Variants in SCN3A observed in about 807,000 individuals in gnomAD.
The protein encoded by SCN3A is sodium channel protein type 3 subunit alpha.
A neutral mutation model predicts 187.6 loss-of-function variants in SCN3A; 60 were observed. The observed-to-expected ratio is 0.32, with a 90% CI of 0.26 to 0.40. The LOEUF is 0.40. Ranked by LOEUF, SCN3A falls within the 10% of genes least tolerant of loss-of-function variation. The pLI is 1.00. For synonymous variants in SCN3A, 788 were observed against 829.2 expected, an observed-to-expected ratio of 0.95 and a Z score of 0.85; for missense variants, 1,601 against 2,428.2, an observed-to-expected ratio of 0.66 and a Z score of 7.16.
At chr2:165,200,075 T>C (rs1413964776) in intron 1 of SCN3A, among the ~76,000 whole-genome samples, 1 of 152,146 alleles carries the variant, frequency 6.6e-6, no homozygotes, top group Non-Finnish European at 1.5e-5. Context: ...TCAGGTTCTA[T>C]ATGGATTTGC....
intron 5 of SCN3A, among the ~76,000 whole-genome samples, chr2:165,167,072 T>C (rs929499156): frequency 9.9e-5 from 15 of 152,268 alleles, no homozygotes; most frequent in African/African-American, 3.1e-4. Context: ...GCTCATTGTT[T>C]GTATTTTTAG....
chr2:165,180,581 G>C (rs1354931931), intron 2 of SCN3A, among the ~76,000 whole-genome samples: 1 of 152,038 alleles, frequency 6.6e-6, no homozygotes, highest in East Asian at 1.9e-4. Context: ...CAGGTGGGGT[G>C]GGGGTGGCAT....
Position 165,140,705 on chromosome 2 carries a change from G to C in SCN3A, c.1965C>G (p.Ser655=), listed in dbSNP as rs761356136. 1.9e-6 allele frequency: 3 copies of C among 1,613,864 alleles called. No individual in the cohort carries two copies. In the East Asian group the frequency reaches 6.7e-5, roughly 36 times the overall value. ...TTAGAGCTGAAGGTCCACCCACCAA[G>C]GAAACCACACCATTGCAATCCACAG... ...HSTVDCNGVV[S]LVGGPSALTS... The change falls in exon 13 of 28, where the codon TCC becomes TCG. Residue 655 remains serine, a synonymous_variant. Transcript: ENST00000283254. The surrounding 1 kb of genome is among the most constrained non-coding windows in gnomAD (Gnocchi z 4.2).
chr2:165,143,640 A>G (rs1053179167), intron 12 of SCN3A, among the ~76,000 whole-genome samples: 4 of 152,208 alleles, frequency 2.6e-5, no homozygotes, highest in African/African-American at 9.6e-5. Context: ...CACTTTCTCT[A>G]GGGAAAACCA....
intron 1 of SCN3A, among the ~76,000 whole-genome samples, chr2:165,202,262 A>G (rs72870780): frequency 1.3e-5 from 2 of 152,202 alleles, no homozygotes; most frequent in Non-Finnish European, 2.9e-5. Context: ...ACATGTATAG[A>G]TGAATAACTA....
At position 165,092,258 on chromosome 2, in the gene SCN3A, A is replaced by G. The variant is rs140265888; in HGVS notation, c.4803T>C (p.Ile1601=). The change falls in exon 27 of 28, where the codon ATT becomes ATC. Residue 1601 remains isoleucine, a synonymous_variant. Transcript: ENST00000283254. This position sits in a 1 kb window ranked among gnomAD's most constrained non-coding sequence, Gnocchi z 4.2. The part of the protein sequence containing the change: ...IFDFVVVILS[I]VGMFLAEMIE... ...TGGTAATTAAGCTGTTCTTACCTAC[A>G]ATGGAGAGAATCACCACCACAAAGT... 21 of 1,613,846 alleles carry G rather than the reference A, an allele frequency of 1.3e-5. No homozygotes were observed. Among genetic ancestry groups the G allele is most frequent in the Non-Finnish European group, 1.8e-5 (21 of 1,179,898 alleles).
In SCN3A at chr2:165,159,405, A is replaced by G. The variant is rs1472980753; in HGVS notation, c.1031+2903T>C. Among the ~76,000 whole-genome samples the G allele has an allele frequency of 5.8e-5, 8 of 137,484 alleles. 1 individual carries two copies. Among genetic ancestry groups the G allele is most frequent in the Non-Finnish European group, 1.2e-4 (8 of 66,536 alleles). 90.2% of individuals were successfully genotyped at this position (137,484 alleles called of 152,430 possible). On this transcript the variant is annotated intron_variant, in intron 9 of 27. Transcript: ENST00000283254. ...AGGGTATAATTCTGTTGCCCAGGCT[A>G]TAGTGCAGTGGTCTGATCATGGCTC...
intron 17 of SCN3A, among the ~76,000 whole-genome samples, chr2:165,129,602 A>G (rs1687193479): frequency 6.6e-6 from 1 of 152,242 alleles, no homozygotes; most frequent in Non-Finnish European, 1.5e-5. Flanking sequence ...TTCTTATCAA[A>G]ACAATATTAG....
chr2:165,138,662 T>C (rs189964629), intron 14 of SCN3A, among the ~76,000 whole-genome samples: 399 of 152,294 alleles, frequency 2.6e-3, no homozygotes, highest in African/African-American at 9.1e-3. Flanking sequence ...GTACATATCT[T>C]TTAGAATTTT....
At chr2:165,093,586 A>C (rs1455056217) in intron 26 of SCN3A, 1 of 152,230 alleles carries the variant, frequency 6.6e-6, no homozygotes, top group African/African-American at 2.4e-5. Flanking sequence ...AAGGTCATGA[A>C]GTGACCATGT....
At chr2:165,145,649 A>G (rs1318470676) in intron 12 of SCN3A, among the ~76,000 whole-genome samples, 1 of 152,098 alleles carries the variant, frequency 6.6e-6, no homozygotes, top group Non-Finnish European at 1.5e-5. Context: ...CCAAAAGTAA[A>G]TACTATGTTG....
chr2:165,168,957 T>A (rs1280774414), intron 4 of SCN3A, 132 bp from the exon 5 acceptor site: 1 of 666,554 alleles, frequency 1.5e-6, no homozygotes, highest in East Asian at 2.8e-5. Context: ...AATGATAAAA[T>A]AATAAGAAAC....
chr2:165,093,018 C>CA (rs1481726432), intron 26 of SCN3A: 1 of 155,746 alleles, frequency 6.4e-6, no homozygotes, highest in African/African-American at 2.4e-5. Flanking sequence ...CACTGTACTC[C>CA]AGCCTGAGAG....
intron 5 of SCN3A, among the ~76,000 whole-genome samples, chr2:165,166,902 C>CTTT (rs144536784): frequency 6.8e-6 from 1 of 148,094 alleles, no homozygotes; most frequent in African/African-American, 2.5e-5. Context: ...ATTCAATTGC[C>CTTT]TTTTTTTTTT....
chr2:165,138,031 A>G lies in SCN3A; in HGVS notation c.2239T>C (p.Leu747=), dbSNP rs753251891. The G allele has an allele frequency of 2.8e-5, 45 of 1,613,604 alleles. No individual in the cohort carries two copies. The highest frequency in any genetic ancestry group is 3.7e-5 in the Non-Finnish European group (44 of 1,179,616). ...FLIWDCCDAW[L]KVKHLVNLIV... ...AAATTCACAAGATGTTTTACTTTTA[A>G]CCATGCATCACAGCAGTCCCAGATC... Residue 747 remains leucine, a synonymous_variant, in exon 15 of 28, where the codon TTA becomes CTA. Coordinates refer to ENST00000283254, the MANE Select transcript of SCN3A (RefSeq NM_006922.4).
chr2:165,123,754 A>G (rs182673311), intron 18 of SCN3A, among the ~76,000 whole-genome samples: 1 of 152,338 alleles, frequency 6.6e-6, no homozygotes, highest in Non-Finnish European at 1.5e-5. Flanking sequence ...CACCTGAAGT[A>G]TGCTAGCAGC....
chr2:165,095,753 C>A, intron 24 of SCN3A, 105 bp from the exon 25 acceptor site: 1 of 644,622 alleles, frequency 1.6e-6, no homozygotes. Context: ...CTACTTTTGC[C>A]TTACCCTGAG....
chr2:165,149,561 G>A (rs1456834323), intron 11 of SCN3A, among the ~76,000 whole-genome samples: 1 of 152,136 alleles, frequency 6.6e-6, no homozygotes, highest in Non-Finnish European at 1.5e-5. Flanking sequence ...GATTTCTAAG[G>A]CAACAAAGGT....
chr2:165,163,875 T>G, intron 6 of SCN3A, 166 bp from the exon 7 acceptor site: 1 of 1,613,754 alleles, frequency 6.2e-7, no homozygotes. Context: ...TGCCTAGGCT[T>G]ACAAATTCTG....
Sources: allele counts gnomAD v4.1 joint callset (sites outside exome capture counted in the v4.1 genomes callset), GRCh38; gene constraint gnomAD v4.1.1; non-coding constraint Gnocchi (gnomAD v3.1); transcripts MANE v1.5; gene names NCBI Gene and HGNC (gene_info 2026-07-23, HGNC 2026-07-21).